Variants in PARD6G observed in about 807,000 individuals in gnomAD.
PARD6G encodes partitioning defective 6 homolog gamma.
PARD6G carries 7 observed loss-of-function variants against 10.7 expected under a neutral mutation model. The ratio of observed to expected loss-of-function variants is 0.66; its 90% CI spans 0.37 to 1.23. The LOEUF (loss-of-function observed/expected upper bound fraction) is 1.23. PARD6G is among the 50% of genes most tolerant of loss of function. The pLI is 0.02. For missense variants in PARD6G, 548 were observed against 571.8 expected, an observed-to-expected ratio of 0.96 and a Z score of 0.42; for synonymous variants, 287 against 269.4, an observed-to-expected ratio of 1.07 and a Z score of -0.64.
intron 1 of PARD6G, among the ~76,000 whole-genome samples, chr18:80,222,941 G>T (rs2145295531): frequency 6.6e-6 from 1 of 152,278 alleles, no homozygotes; most frequent in Middle Eastern, 3.4e-3. Context: ...CTCCCAAAGT[G>T]CTGGGATTAC....
At chr18:80,238,672 C>T (rs1967454664) in intron 1 of PARD6G, among the ~76,000 whole-genome samples, 1 of 152,078 alleles carries the variant, frequency 6.6e-6, no homozygotes, top group African/African-American at 2.4e-5. Context: ...CCAAGCCGTA[C>T]ACTTAAGATG....
intron 1 of PARD6G, among the ~76,000 whole-genome samples, chr18:80,225,081 G>A (rs1967277077): frequency 1.3e-5 from 2 of 152,170 alleles, no homozygotes; most frequent in Non-Finnish European, 2.9e-5. Context: ...ACTTTAGGAT[G>A]TCACGCTTTT....
rs1411297381 is a variant in PARD6G at position 80,192,161 on chromosome 18, T to G, written c.295+10549A>C. On this transcript the variant is annotated intron_variant, in intron 2 of 2. Coordinates refer to ENST00000353265, the MANE Select transcript of PARD6G (RefSeq NM_032510.4). This position sits in a 1 kb window ranked among gnomAD's most constrained non-coding sequence, Gnocchi z 4.9. ...AGGTGTTGGGGTCACAAGACCAGACTGCGCATTCTCTACGAGACATGATAT... is the reference window on the plus strand; with the variant it reads ...AGGTGTTGGGGTCACAAGACCAGACGGCGCATTCTCTACGAGACATGATAT... Among the ~76,000 whole-genome samples, 2 of 152,216 alleles carry G rather than the reference T, an allele frequency of 1.3e-5. No homozygotes were observed. The highest frequency in any genetic ancestry group is 3.8e-4 in the East Asian group (2 of 5,198).
intron 1 of PARD6G, among the ~76,000 whole-genome samples, chr18:80,216,275 C>T (rs1159109084): frequency 1.3e-5 from 2 of 151,978 alleles, no homozygotes; most frequent in Non-Finnish European, 2.9e-5. Flanking sequence ...CCAACTAGAC[C>T]TGGAAGACAT....
chr18:80,239,572 G>C (rs1967466876), intron 1 of PARD6G, among the ~76,000 whole-genome samples: 1 of 152,372 alleles, frequency 6.6e-6, no homozygotes, highest in African/African-American at 2.4e-5. Context: ...GACAAGCTTG[G>C]TCTACAAGGA....
intron 2 of PARD6G, among the ~76,000 whole-genome samples, chr18:80,173,440 C>T (rs1259371895): frequency 6.6e-6 from 1 of 152,152 alleles, no homozygotes; most frequent in Non-Finnish European, 1.5e-5. Context: ...GCTCGGCCAA[C>T]ATGGTGAGAC....
At position 80,202,785 on chromosome 18, in the gene PARD6G, T is replaced by C. The variant is rs1216987838; in HGVS notation, c.220A>G (p.Ile74Val). The C allele has an allele frequency of 3.1e-6, 5 of 1,613,734 alleles. No individual in the cohort carries two copies. Among genetic ancestry groups the C allele is most frequent in the Admixed American group, 3.3e-5 (2 of 59,966 alleles). Residue 74 changes from isoleucine (I) to valine (V), a missense_variant, in exon 2 of 3, where the codon ATC (isoleucine) becomes GTC (valine). Around this residue, in one of 2 missense-constraint regions of PARD6G, gnomAD observed 235 missense variants for 291.9 expected, o/e 0.81. Transcript: ENST00000353265. The stretch of plus-strand genomic sequence containing the variant: ...TTGCAGAAGTTGTCATCATTGTTGA[T>C]GGGCAGCAGGTCTCCGTGCACATCT... ...YADVHGDLLP[I>V]NNDDNFCKAV...
chr18:80,191,842 T>G (rs936503935), intron 2 of PARD6G, among the ~76,000 whole-genome samples: 5 of 152,210 alleles, frequency 3.3e-5, no homozygotes, highest in Non-Finnish European at 4.4e-5. Context: ...TCAATGTTTA[T>G]TAACTAAATG....
intron 1 of PARD6G, among the ~76,000 whole-genome samples, chr18:80,216,299 C>T (rs1967165361): frequency 6.6e-6 from 1 of 152,062 alleles, no homozygotes; most frequent in South Asian, 2.1e-4. Flanking sequence ...TATAATACTG[C>T]ACCCAACAAC....
chr18:80,245,765 T>C (rs906658137), intron 1 of PARD6G, among the ~76,000 whole-genome samples: 3 of 152,134 alleles, frequency 2.0e-5, no homozygotes, highest in East Asian at 1.9e-4. Flanking sequence ...CCCATGCTTG[T>C]GGGCTCTTCC....
rs2052863310 is a variant in PARD6G at position 80,184,492 on chromosome 18, GGTGAAACCCGCAGAGGGAGCAAGGCC to G, written c.295+18192_295+18217del. Reference sequence around the variant, plus strand: ...GTGAAACCTGCAGCGGGAGCAAGGCGGTGAAACCCGCAGAGGGAGCAAGGCCGTGAAACCCGCAGCGGGAGCAAGGC... The same window carrying G: ...GTGAAACCTGCAGCGGGAGCAAGGCGGTGAAACCCGCAGCGGGAGCAAGGC... On this transcript the variant is annotated intron_variant, in intron 2 of 2. Coordinates refer to ENST00000353265, the MANE Select transcript of PARD6G (RefSeq NM_032510.4). The surrounding 1 kb of genome is among the most constrained non-coding windows in gnomAD (Gnocchi z 4.5). The G allele has an allele frequency of 1.3e-5, 2 of 150,752 alleles. No individual in the cohort carries two copies. The highest frequency in any genetic ancestry group is 2.9e-5 in the Non-Finnish European group (2 of 67,798). 9.3% of individuals were successfully genotyped at this position (150,752 alleles called of 1,614,324 possible).
intron 1 of PARD6G, among the ~76,000 whole-genome samples, chr18:80,211,949 G>A (rs930785377): frequency 6.6e-6 from 1 of 151,776 alleles, no homozygotes; most frequent in Non-Finnish European, 1.5e-5. Flanking sequence ...AGTTTTACAA[G>A]ATGAAAAGAG....
intron 1 of PARD6G, among the ~76,000 whole-genome samples, chr18:80,244,866 C>T (rs963929262): frequency 2.6e-5 from 4 of 152,046 alleles, no homozygotes; most frequent in African/African-American, 9.7e-5. Context: ...AAATATTAAC[C>T]ATAAAGTGGG....
chr18:80,209,125 A>C (rs1487965759), intron 1 of PARD6G, among the ~76,000 whole-genome samples: 3 of 141,562 alleles, frequency 2.1e-5, no homozygotes, highest in Admixed American at 7.0e-5. Flanking sequence ...ACAAACAAAC[A>C]AAAAAAAAAA....
At chr18:80,206,470 A>G (rs556284784) in intron 1 of PARD6G, among the ~76,000 whole-genome samples, 15 of 152,334 alleles carry the variant, frequency 9.8e-5, no homozygotes, top group African/African-American at 3.6e-4. Flanking sequence ...GAAACAGTGA[A>G]TGGCTCTAAT....
intron 2 of PARD6G, among the ~76,000 whole-genome samples, chr18:80,174,027 C>T (rs546235718): frequency 3.3e-5 from 5 of 152,252 alleles, no homozygotes; most frequent in South Asian, 4.1e-4. Context: ...CCAGAGCCAC[C>T]GCCCACTGCC....
intron 1 of PARD6G, among the ~76,000 whole-genome samples, chr18:80,207,994 G>A (rs192549360): frequency 4.6e-5 from 7 of 152,118 alleles, no homozygotes; most frequent in African/African-American, 1.7e-4. Flanking sequence ...ATAAGAGTCT[G>A]TTTATCCTAT....
chr18:80,234,041 G>T (rs778400654), intron 1 of PARD6G, among the ~76,000 whole-genome samples: 32 of 152,162 alleles, frequency 2.1e-4, no homozygotes, highest in Non-Finnish European at 3.5e-4. Flanking sequence ...GGCTGAAGGT[G>T]GAGTGGAAGC....
At chr18:80,229,546 C>G (rs1446805436) in intron 1 of PARD6G, among the ~76,000 whole-genome samples, 2 of 152,096 alleles carry the variant, frequency 1.3e-5, no homozygotes, top group East Asian at 1.9e-4. Context: ...CTGGAGCCAG[C>G]TGGAAATGCT....
Sources: gnomAD v4.1 joint callset for allele counts (sites outside exome capture counted in the v4.1 genomes callset) on GRCh38, gnomAD v4.1.1 for gene constraint, gnomAD v4.1.1 regional missense constraint, Gnocchi (gnomAD v3.1) non-coding constraint, MANE v1.5 for transcripts, NCBI Gene and HGNC (gene_info 2026-07-23, HGNC 2026-07-21) for gene names.